Variants in RPLP1 observed in about 807,000 individuals in gnomAD.
The protein encoded by RPLP1 is large ribosomal subunit protein P1.
Under a neutral mutation model 11.6 loss-of-function variants are expected in RPLP1, and 4 were observed. The observed-to-expected ratio is 0.34, with a 90% confidence interval of 0.17 to 0.79. The LOEUF is 0.79. RPLP1 is among the 30% of genes least tolerant of loss of function. The pLI is 0.55. For missense variants in RPLP1, 133 were observed against 142.8 expected, an observed-to-expected ratio of 0.93 and a Z score of 0.35; for synonymous variants, 54 against 52.2, an observed-to-expected ratio of 1.03 and a Z score of -0.15.
chr15:69,453,349 C>T (rs1056960069), intron 1 of RPLP1: 4 of 576,946 alleles, frequency 6.9e-6, no homozygotes, highest in Admixed American at 3.1e-5. Context: ...CTTACTCGGA[C>T]CTCTTTCGGT....
Position 69,455,694 on chromosome 15 carries a change from T to C in RPLP1, c.*187T>C. On this transcript the variant is annotated 3_prime_UTR_variant, in exon 4 of 4. Coordinates refer to ENST00000260379, the MANE Select transcript of RPLP1 (RefSeq NM_001003.3). ...TGTGAGATTTAGACAATCCTGATGCTAACAAGAAGGCACCTCATGGTACAG... is the reference window on the plus strand; with the variant it reads ...TGTGAGATTTAGACAATCCTGATGCCAACAAGAAGGCACCTCATGGTACAG... 1 of 592,274 alleles carries C rather than the reference T, an allele frequency of 1.7e-6. No individual in the cohort carries two copies. The highest frequency in any genetic ancestry group is 3.0e-6 in the Non-Finnish European group (1 of 336,678). The allele number at this position is 592,274 out of a possible 1,614,324, so 36.7% of individuals were successfully genotyped here. A position where few individuals can be genotyped will look rare whatever the true frequency, so the allele number is the denominator to read the frequency against.
At chr15:69,453,414 C>A (rs976840951) in intron 1 of RPLP1, 39 of 596,052 alleles carry the variant, frequency 6.5e-5, no homozygotes, top group African/African-American at 1.1e-4. Context: ...CTCGGCTCCA[C>A]CTCCCAGGTC....
intron 1 of RPLP1, chr15:69,453,314 C>T (rs1406042125): frequency 8.7e-6 from 5 of 576,644 alleles, no homozygotes; most frequent in Non-Finnish European, 1.5e-5. Flanking sequence ...GCACCCTGAC[C>T]CGTGCCTCGT....
At chr15:69,453,308 C>T (rs1284146597) in intron 1 of RPLP1, 12 of 577,540 alleles carry the variant, frequency 2.1e-5, no homozygotes. Flanking sequence ...GCTTGGGCAC[C>T]CTGACCCGTG....
Position 69,452,867 on chromosome 15 carries a change from A to G in RPLP1, c.-82A>G. On this transcript the variant is annotated 5_prime_UTR_variant, in exon 1 of 4. Coordinates refer to ENST00000260379, the MANE Select transcript of RPLP1 (RefSeq NM_001003.3). ...GTGCTCGGTCCTTCCGAGGAAGCTAAGGCTGCGTTGGGGTGAGGCCCTCAC... is the reference window on the plus strand; with the variant it reads ...GTGCTCGGTCCTTCCGAGGAAGCTAGGGCTGCGTTGGGGTGAGGCCCTCAC... 3.0e-6 allele frequency: 4 copies of G among 1,312,322 alleles called. No individual in the cohort carries two copies. Among genetic ancestry groups the G allele is most frequent in the Non-Finnish European group, 4.3e-6 (4 of 939,862 alleles). 81.3% of individuals were successfully genotyped at this position (1,312,322 alleles called of 1,614,324 possible).
Position 69,455,550 on chromosome 15 carries a change from C to CTGTT in RPLP1, c.*44_*47dup, listed in dbSNP as rs1424172314. The CTGTT allele has an allele frequency of 7.0e-7, 1 of 1,421,198 alleles. No homozygotes were observed. Among genetic ancestry groups the CTGTT allele is most frequent in the African/African-American group, 1.4e-5 (1 of 69,870 alleles). 88.0% of individuals were successfully genotyped at this position (1,421,198 alleles called of 1,614,324 possible). ...TTCAATAAAAAGCTGAACTTTACTG[C>CTGTT]TGTTGGTCTTGTCCATAGTTTTGGA... On this transcript the variant is annotated 3_prime_UTR_variant, in exon 4 of 4. Coordinates refer to ENST00000260379, the MANE Select transcript of RPLP1 (RefSeq NM_001003.3).
chr15:69,454,132 C>T, intron 2 of RPLP1: 1 of 194,304 alleles, frequency 5.1e-6, no homozygotes, highest in South Asian at 7.4e-5. Context: ...GGGTTCACGC[C>T]ATTATCCTGC....
At chr15:69,454,042 T>C in intron 2 of RPLP1, 1 of 333,236 alleles carries the variant, frequency 3.0e-6, no homozygotes, top group Non-Finnish European at 5.5e-6. Flanking sequence ...TTTTTCTTTT[T>C]CTTTTTTTTT....
Position 69,452,871 on chromosome 15 carries a change from T to A in RPLP1, c.-78T>A, listed in dbSNP as rs1479225698. 11 of 1,338,876 alleles carry A rather than the reference T, an allele frequency of 8.2e-6. No homozygotes were observed. Among genetic ancestry groups the A allele is most frequent in the Non-Finnish European group, 1.1e-5 (11 of 963,494 alleles). The allele number at this position is 1,338,876 out of a possible 1,614,324, so 82.9% of individuals were successfully genotyped here. ...TCGGTCCTTCCGAGGAAGCTAAGGC[T>A]GCGTTGGGGTGAGGCCCTCACTTCA... On this transcript the variant is annotated 5_prime_UTR_variant, in exon 1 of 4. Coordinates refer to ENST00000260379, the MANE Select transcript of RPLP1 (RefSeq NM_001003.3).
At chr15:69,453,267 G>T (rs34291864) in intron 1 of RPLP1, 29,297 of 583,012 alleles carry the variant, frequency 0.05, 1,839 homozygotes, top group East Asian at 0.19. Flanking sequence ...CCGGCTCCAA[G>T]AGCCTTCGTG....
At chr15:69,453,797 C>G (rs1202127929) in intron 2 of RPLP1, 76 bp downstream of exon 2, 1 of 1,478,526 alleles carries the variant, frequency 6.8e-7, no homozygotes, top group Non-Finnish European at 9.5e-7. Context: ...TAAAGTACCC[C>G]CAGCGGTGCC....
intron 2 of RPLP1, 68 bp downstream of exon 2, chr15:69,453,789 A>G: frequency 1.3e-6 from 2 of 1,540,188 alleles, no homozygotes; most frequent in Non-Finnish European, 1.8e-6. Flanking sequence ...GTACATGCTA[A>G]AGTACCCCCA....
chr15:69,453,857 A>G (rs1334834881), intron 2 of RPLP1, 136 bp downstream of exon 2: 5 of 797,538 alleles, frequency 6.3e-6, no homozygotes, highest in South Asian at 4.6e-5. Flanking sequence ...CGTTGCATGT[A>G]TATCTCTAGG....
intron 2 of RPLP1, chr15:69,453,992 G>A (rs1005601074): frequency 1.9e-6 from 1 of 532,122 alleles, no homozygotes; most frequent in South Asian, 2.4e-5. Context: ...AGGGTCACTC[G>A]GGAGATAGGT....
intron 1 of RPLP1, 73 bp downstream of exon 1, chr15:69,453,093 C>T (rs1405711429): frequency 1.5e-6 from 2 of 1,371,238 alleles, no homozygotes; most frequent in African/African-American, 1.4e-5. Context: ...CGGTTCCCGG[C>T]TCCAGGCCGT....
Position 69,453,600 on chromosome 15 carries a change from A to G in RPLP1, c.73-47A>G, listed in dbSNP as rs771748450. The stretch of plus-strand genomic sequence containing the variant: ...GAGTGACGTGCAGCATTTTGGAGAT[A>G]TTACATACGCTACGTTTTGATGGAT... On this transcript the variant is annotated intron_variant, in intron 1 of 3. Transcript: ENST00000260379. 21 of 1,589,754 alleles carry G rather than the reference A, an allele frequency of 1.3e-5. No homozygotes were observed. The East Asian group carries it at 4.0e-4, about 30-fold the overall frequency.
chr15:69,455,117 T>C, intron 2 of RPLP1, 53 bp from the exon 3 acceptor site: 5 of 1,510,488 alleles, frequency 3.3e-6, no homozygotes, highest in Non-Finnish European at 4.4e-6. Context: ...GCTGCGTGAG[T>C]GCTTAACAAG....
In RPLP1 at chr15:69,453,690, T is replaced by G. The variant is rs1326457898; in HGVS notation, c.116T>G (p.Val39Gly). 1.2e-6 allele frequency: 2 copies of G among 1,614,160 alleles called. No individual in the cohort carries two copies. The highest frequency in any genetic ancestry group is 2.2e-5 in the East Asian group (1 of 44,886). The change falls in exon 2 of 4, where the codon GTT becomes GGT. Residue 39 changes from valine (V) to glycine (G), a missense_variant. Val to Gly is a moderately radical substitution (Grantham distance 109). Transcript: ENST00000260379. Reference protein sequence around the residue: ...NALIKAAGVNVEPFWPGLFAK... With the variant: ...NALIKAAGVNGEPFWPGLFAK... ...CTCATTAAAGCAGCCGGTGTAAATG[T>G]TGAGCCTTTTTGGCCTGGCTTGTTT... is the stretch of plus-strand genomic sequence containing the variant.
Position 69,453,995 on chromosome 15 carries a change from A to G in RPLP1, c.147+274A>G, listed in dbSNP as rs376001980. 2.5e-5 allele frequency: 13 copies of G among 528,282 alleles called. No homozygotes were observed. The East Asian group carries it at 2.6e-4, about 11-fold the overall frequency. The allele number at this position is 528,282 out of a possible 1,614,324, so 32.7% of individuals were successfully genotyped here. A position where few individuals can be genotyped will look rare whatever the true frequency, so the allele number is the denominator to read the frequency against. ...TTATTCCCAAAAAGGGTCACTCGGGAGATAGGTACTACGCATGTTAAGTTG... is the reference window on the plus strand; with the variant it reads ...TTATTCCCAAAAAGGGTCACTCGGGGGATAGGTACTACGCATGTTAAGTTG... On this transcript the variant is annotated intron_variant, in intron 2 of 3. Coordinates refer to ENST00000260379, the MANE Select transcript of RPLP1 (RefSeq NM_001003.3).
Sources: gnomAD v4.1 joint callset for allele counts on GRCh38, gnomAD v4.1.1 for gene constraint, MANE v1.5 for transcripts, NCBI Gene and HGNC (gene_info 2026-07-23, HGNC 2026-07-21) for gene names.